Variants in METTL14 observed in about 807,000 individuals in gnomAD.
The protein encoded by METTL14 is N(6)-adenosine-methyltransferase non-catalytic subunit METTL14.
A neutral mutation model predicts 62.4 loss-of-function variants in METTL14; 32 were observed. The ratio of observed to expected loss-of-function variants is 0.51; its 90% CI spans 0.39 to 0.69. The LOEUF is 0.69. Among genes scored for constraint, METTL14 ranks in the 30% least tolerant of loss-of-function variants. The pLI is 0.00. For missense variants in METTL14, 340 were observed against 551.9 expected, an observed-to-expected ratio of 0.62 and a Z score of 3.85; for synonymous variants, 150 against 180.0, an observed-to-expected ratio of 0.83 and a Z score of 1.34.
In METTL14 at chr4:118,710,278, C is replaced by T. The variant is rs369008787; in HGVS notation, c.1347C>T (p.His449=). Residue 449 remains histidine (H), a synonymous_variant, in exon 11 of 11, where the codon CAC becomes CAT. Coordinates refer to ENST00000388822, the MANE Select transcript of METTL14 (RefSeq NM_020961.4). ...GGFRGGRGGA[H]RGGFPPR ...TTAGAGGGGGCCGTGGAGGAGCACA[C>T]AGAGGTGGCTTTCCACCTCGATAAT... 1.9e-6 allele frequency: 3 copies of T among 1,613,128 alleles called. No individual in the cohort carries two copies. Among genetic ancestry groups the T allele is most frequent in the East Asian group, 2.2e-5 (1 of 44,872 alleles).
chr4:118,688,830 C>T (rs989739535), intron 2 of METTL14, among the ~76,000 whole-genome samples: 1 of 151,810 alleles, frequency 6.6e-6, no homozygotes, highest in African/African-American at 2.4e-5. Flanking sequence ...CGCGCCACCA[C>T]CCCCAGCTAA....
At position 118,710,645 on chromosome 4, in the gene METTL14, G is replaced by A. The variant is rs1724892809; in HGVS notation, c.*343G>A. The A allele has an allele frequency of 5.2e-6, 1 of 192,226 alleles. No homozygotes were observed. The highest frequency in any genetic ancestry group is 1.1e-5 in the Non-Finnish European group (1 of 93,830). 11.9% of individuals were successfully genotyped at this position (192,226 alleles called of 1,614,324 possible). A position where few individuals can be genotyped will look rare whatever the true frequency, so the allele number is the denominator to read the frequency against. On this transcript the variant is annotated 3_prime_UTR_variant, in exon 11 of 11. Transcript: ENST00000388822. ...TAAATAATGGAAAAAGATCCAGTCT[G>A]TGGTATCATGCTAGTGCTGACAGGG...
At chr4:118,700,920 T>C (rs1164583252) in intron 8 of METTL14, among the ~76,000 whole-genome samples, 2 of 152,138 alleles carry the variant, frequency 1.3e-5, no homozygotes, top group African/African-American at 4.8e-5. Flanking sequence ...CTCCAAATTA[T>C]ACCTCAAAAA....
chr4:118,704,080 A>T, intron 9 of METTL14, 29 bp downstream of exon 9: 1 of 1,341,190 alleles, frequency 7.5e-7, no homozygotes, highest in Non-Finnish European at 1.0e-6. Context: ...TGTTTTTTTT[A>T]ATTTTTGTGA....
intron 9 of METTL14, among the ~76,000 whole-genome samples, chr4:118,705,272 T>C (rs1460933298): frequency 2.0e-5 from 3 of 152,012 alleles, no homozygotes; most frequent in African/African-American, 7.2e-5. Flanking sequence ...CCCAGGAATT[T>C]GAGACCAGCC....
At chr4:118,700,426 C>A in intron 7 of METTL14, 124 bp from the exon 8 acceptor site, 1 of 670,604 alleles carries the variant, frequency 1.5e-6, no homozygotes, top group Non-Finnish European at 2.5e-6. Context: ...CTGTTAGTTC[C>A]TAATGGAAAC....
intron 1 of METTL14, among the ~76,000 whole-genome samples, chr4:118,686,242 TG>T (rs1169561017): frequency 1.1e-4 from 16 of 152,258 alleles, no homozygotes; most frequent in African/African-American, 3.9e-4. Context: ...ACTTCTCTGC[TG>T]GGAAATAGAA....
rs1724984189 is a variant in METTL14, at chr4:118,713,627, G to A, written c.*3325G>A. 1 of 152,166 alleles carries A rather than the reference G, an allele frequency of 6.6e-6. No individual in the cohort carries two copies. Among genetic ancestry groups the A allele is most frequent in the Admixed American group, 6.5e-5 (1 of 15,272 alleles). 9.4% of individuals were successfully genotyped at this position (152,166 alleles called of 1,614,324 possible). A position where few individuals can be genotyped will look rare whatever the true frequency, so the allele number is the denominator to read the frequency against. On this transcript the variant is annotated 3_prime_UTR_variant, in exon 11 of 11. Coordinates refer to ENST00000388822, the MANE Select transcript of METTL14 (RefSeq NM_020961.4). ...AGAAACATAAACCTTTGCTTATGCA[G>A]AAGGTCTTTCTTAGAACAATCCTGT...
chr4:118,694,082 T>TTA (rs1553980682), intron 5 of METTL14, among the ~76,000 whole-genome samples: 36 of 150,214 alleles, frequency 2.4e-4, no homozygotes, highest in Non-Finnish European at 1.5e-5. Flanking sequence ...TTTTTTTTTT[T>TTA]AGCTAAGAGG....
At chr4:118,704,112 A>G (rs1359143194) in intron 9 of METTL14, 61 bp downstream of exon 9, 6 of 992,350 alleles carry the variant, frequency 6.0e-6, no homozygotes, top group African/African-American at 5.0e-5. Flanking sequence ...GCTTTTCCAA[A>G]TAACTGTATA....
rs886794289 is a variant in METTL14, at chr4:118,711,909, A to G, written c.*1607A>G. ...TACACAGGGCTCTCTATTACGTTCC[A>G]TACCCTGGGCCTACCCAAGGTGACA... On this transcript the variant is annotated 3_prime_UTR_variant, in exon 11 of 11. Transcript: ENST00000388822. 1 of 152,164 alleles carries G rather than the reference A, an allele frequency of 6.6e-6. No individual in the cohort carries two copies. Among genetic ancestry groups the G allele is most frequent in the African/African-American group, 2.4e-5 (1 of 41,446 alleles). The allele number at this position is 152,164 out of a possible 1,614,324, so 9.4% of individuals were successfully genotyped here. A position where few individuals can be genotyped will look rare whatever the true frequency, so the allele number is the denominator to read the frequency against.
intron 4 of METTL14, among the ~76,000 whole-genome samples, 171 bp downstream of exon 4, chr4:118,691,783 A>G (rs1375422877): frequency 6.6e-6 from 1 of 152,146 alleles, no homozygotes; most frequent in African/African-American, 2.4e-5. Context: ...ATATTTGGCT[A>G]TTTAGTGTGA....
rs369013439 is a variant in METTL14, at chr4:118,705,608, T to C, written c.856-3T>C. 4 of 1,613,118 alleles carry C rather than the reference T, an allele frequency of 2.5e-6. No individual in the cohort carries two copies. In the African/African-American group the frequency reaches 5.3e-5, roughly 22 times the overall value. ...GATTAATTGGTCTGCTCTTGTTATT[T>C]AGGAACACTGCCTCATGGGGATCAA... On this transcript the variant is annotated splice_polypyrimidine_tract_variant and splice_region_variant and intron_variant, in intron 9 of 10. Transcript: ENST00000388822.
chr4:118,692,226 C>CTTTTTTTT (rs11387432), intron 5 of METTL14, among the ~76,000 whole-genome samples, 158 bp downstream of exon 5: 1 of 131,442 alleles, frequency 7.6e-6, no homozygotes, highest in African/African-American at 2.8e-5. Context: ...CTTTTCTTTT[C>CTTTTTTTT]TTTTTTTTTT....
chr4:118,696,117 C>CAAAGAAAAAA (rs1724403584), intron 6 of METTL14, among the ~76,000 whole-genome samples: 1 of 33,910 alleles, frequency 2.9e-5, no homozygotes, highest in Non-Finnish European at 4.6e-5. Flanking sequence ...GACTCTGTCT[C>CAAAGAAAAAA]AAAAAAAAAA....
intron 8 of METTL14, 58 bp downstream of exon 8, chr4:118,700,700 T>C (rs1419098844): frequency 3.4e-6 from 4 of 1,188,350 alleles, no homozygotes; most frequent in Non-Finnish European, 4.9e-6. Context: ...AATGTAACAG[T>C]ATGTTGCATA....
At chr4:118,707,612 C>T (rs764547452) in intron 10 of METTL14, among the ~76,000 whole-genome samples, 4 of 142,902 alleles carry the variant, frequency 2.8e-5, no homozygotes, top group Non-Finnish European at 3.0e-5. Flanking sequence ...TGCAGTGAGC[C>T]GAGATTGTGC....
rs193296093 is a variant in METTL14, at chr4:118,697,383, T to C, written c.645+60T>C. On this transcript the variant is annotated intron_variant, in intron 7 of 10. Coordinates refer to ENST00000388822, the MANE Select transcript of METTL14 (RefSeq NM_020961.4). The stretch of plus-strand genomic sequence containing the variant: ...TTATTTTCAAATGAATATGTTTATT[T>C]GGTCAGAAAGTGAGATAATAAATAT... 2.8e-4 allele frequency: 392 copies of C among 1,406,644 alleles called. No individual in the cohort carries two copies. The Middle Eastern group carries it at 5.3e-3, about 19-fold the overall frequency. 87.1% of individuals were successfully genotyped at this position (1,406,644 alleles called of 1,614,324 possible).
In METTL14 at chr4:118,688,024, ATTCT is replaced by A. The variant is rs1724129338; in HGVS notation, c.155+16_155+19del. The A allele has an allele frequency of 4.7e-6, 7 of 1,497,446 alleles. No individual in the cohort carries two copies. In the Admixed American group the frequency reaches 5.4e-5, roughly 12 times the overall value. The allele number at this position is 1,497,446 out of a possible 1,614,324, so 92.8% of individuals were successfully genotyped here. Reference sequence around the variant, plus strand: ...GAGAAACTTGCAGGTCAGTCAGATAATTCTTTTTTTTTTTTTTTTTGAGACAGGG... The same window carrying A: ...GAGAAACTTGCAGGTCAGTCAGATAATTTTTTTTTTTTTTTTGAGACAGGG... On this transcript the variant is annotated intron_variant, in intron 2 of 10. Coordinates refer to ENST00000388822, the MANE Select transcript of METTL14 (RefSeq NM_020961.4).
Sources: gnomAD v4.1 joint callset for allele counts (sites outside exome capture counted in the v4.1 genomes callset) on GRCh38, gnomAD v4.1.1 for gene constraint, MANE v1.5 for transcripts, NCBI Gene and HGNC (gene_info 2026-07-23, HGNC 2026-07-21) for gene names.